Variants in LPA observed in about 807,000 individuals in gnomAD.
LPA encodes the protein lipoprotein(a).
Under a neutral mutation model 197.9 loss-of-function variants are expected in LPA, and 199 were observed. That is an observed-to-expected ratio of 1.01 (90% CI 0.90 to 1.13). The LOEUF (loss-of-function observed/expected upper bound fraction) is 1.13. LPA is among the 50% of genes most tolerant of loss of function. The probability of loss-of-function intolerance (pLI) is 0.00; values close to 1 mark genes in which losing one functional copy is unlikely to be tolerated. For missense variants in LPA, 1,853 were observed against 1,785.8 expected (o/e 1.04, Z -0.68); for synonymous variants, 715 against 639.5 (o/e 1.12, Z -1.78).
At chr6:160,564,708 C>G (rs1054062970) in intron 28 of LPA, among the ~76,000 whole-genome samples, 1 of 152,186 alleles carries the variant, frequency 6.6e-6, no homozygotes, top group South Asian at 2.1e-4. Context: ...TATTGCCTCA[C>G]CCGGGAAGTG....
rs761596691 is a variant in LPA, at chr6:160,594,021, C to A, written c.3566G>T (p.Cys1189Phe). 6.2e-7 allele frequency: 1 copy of A among 1,613,996 alleles called. No homozygotes were observed. The highest frequency in any genetic ancestry group is 8.5e-7 in the Non-Finnish European group (1 of 1,179,890). ...SFSTTVTGRT[C>F]QSWSSMTPHW... is the part of the protein sequence containing the mutation. ...TGGTGTCATAGAGGACCAAGACTGA[C>A]ATGTCCTTCCTGTGACAGTGGTAGA... is the stretch of plus-strand genomic sequence containing the variant. The change falls in exon 22 of 39, where the codon TGT (cysteine) becomes TTT (phenylalanine). Residue 1189 changes from cysteine (C) to phenylalanine (F), a missense_variant. Cys to Phe is a radical substitution (Grantham distance 205, BLOSUM62 -2). Coordinates refer to ENST00000316300, the MANE Select transcript of LPA (RefSeq NM_005577.4).
chr6:160,547,407 GA>G (rs1326028761), intron 32 of LPA, among the ~76,000 whole-genome samples: 4 of 152,184 alleles, frequency 2.6e-5, no homozygotes, highest in Non-Finnish European at 5.9e-5. Context: ...GGAAGCAGCA[GA>G]AAATACAGAT....
intron 32 of LPA, among the ~76,000 whole-genome samples, chr6:160,546,268 G>C (rs1778069933): frequency 6.6e-6 from 1 of 152,098 alleles, no homozygotes; most frequent in Admixed American, 6.6e-5. Context: ...GTAATCAACT[G>C]TGCCTCTGTA....
In LPA at chr6:160,585,219, A is replaced by G. The variant is rs1209744685; in HGVS notation, c.4130-14T>C. 6.2e-7 allele frequency: 1 copy of G among 1,613,724 alleles called. No homozygotes were observed. Among genetic ancestry groups the G allele is most frequent in the Non-Finnish European group, 8.5e-7 (1 of 1,179,668 alleles). ...TTTCAGTTGGTGCTGAAATTAAAAG[A>G]GAAAATCAAGCTCAGTATTGCCTAG... On this transcript the variant is annotated splice_polypyrimidine_tract_variant and intron_variant, in intron 25 of 38. Coordinates refer to ENST00000316300, the MANE Select transcript of LPA (RefSeq NM_005577.4).
chr6:160,594,483 C>T (rs1779092340), intron 21 of LPA, among the ~76,000 whole-genome samples: 1 of 152,196 alleles, frequency 6.6e-6, no homozygotes, highest in African/African-American at 2.4e-5. Context: ...TGGTGATTGA[C>T]TGTCAGTGGG....
chr6:160,537,094 A>G (rs1583564007), intron 37 of LPA, among the ~76,000 whole-genome samples: 2 of 152,208 alleles, frequency 1.3e-5, no homozygotes, highest in Non-Finnish European at 2.9e-5. Flanking sequence ...CCTCTGAGAA[A>G]GTAGAGCTGA....
chr6:160,608,407 C>T (rs951196705), intron 16 of LPA, among the ~76,000 whole-genome samples: 1 of 152,138 alleles, frequency 6.6e-6, no homozygotes, highest in African/African-American at 2.4e-5. Context: ...ACATTAATAA[C>T]ATTCCCGGTA....
At chr6:160,647,218 A>G (rs1415324865) in intron 2 of LPA, among the ~76,000 whole-genome samples, 5 of 152,200 alleles carry the variant, frequency 3.3e-5, no homozygotes, top group African/African-American at 1.2e-4. Flanking sequence ...GATGGCAGGA[A>G]GACTAAGAGA....
At chr6:160,604,183 C>G (rs1313198606) in intron 18 of LPA, among the ~76,000 whole-genome samples, 1 of 152,166 alleles carries the variant, frequency 6.6e-6, no homozygotes, top group Non-Finnish European at 1.5e-5. Flanking sequence ...CTAGCTACCA[C>G]AGTAGTCCCA....
intron 24 of LPA, among the ~76,000 whole-genome samples, chr6:160,587,268 T>C (rs41272092): frequency 8.5e-5 from 13 of 152,214 alleles, no homozygotes; most frequent in Admixed American, 2.0e-4. Flanking sequence ...GCCAATCATA[T>C]AGACTTTTCA....
chr6:160,605,131 T>C lies in LPA; in HGVS notation c.2860A>G (p.Ile954Val), dbSNP rs747637742. 4 of 1,613,888 alleles carry C rather than the reference T, an allele frequency of 2.5e-6. No individual in the cohort carries two copies. In the East Asian group the frequency reaches 6.7e-5, roughly 27 times the overall value. Reference sequence around the variant, plus strand: ...TGGCAGGTTCTTCCTGTGACAGTAATGAAGTATGTGCCTTGATAACTCTGT... The same window carrying C: ...TGGCAGGTTCTTCCTGTGACAGTAACGAAGTATGTGCCTTGATAACTCTGT... ...NGQSYQGTYF[I>V]TVTGRTCQAW... The change falls in exon 18 of 39, where the codon ATT (isoleucine) becomes GTT (valine). Residue 954 changes from isoleucine to valine, a missense_variant. Coordinates refer to ENST00000316300, the MANE Select transcript of LPA (RefSeq NM_005577.4).
chr6:160,569,036 T>C (rs1778514751), intron 28 of LPA, among the ~76,000 whole-genome samples: 1 of 152,158 alleles, frequency 6.6e-6, no homozygotes, highest in South Asian at 2.1e-4. Flanking sequence ...AGAATCAATA[T>C]TGTGAAAATG....
At chr6:160,607,786 G>A (rs1415811355) in intron 16 of LPA, among the ~76,000 whole-genome samples, 1 of 152,106 alleles carries the variant, frequency 6.6e-6, no homozygotes, top group Non-Finnish European at 1.5e-5. Flanking sequence ...GATGTACTAA[G>A]AGCCCAAACT....
At chr6:160,609,758 T>G (rs1306090813) in intron 16 of LPA, among the ~76,000 whole-genome samples, 2 of 151,986 alleles carry the variant, frequency 1.3e-5, no homozygotes, top group Non-Finnish European at 2.9e-5. Context: ...TTTAGGGATG[T>G]GCATGTGTGT....
intron 2 of LPA, among the ~76,000 whole-genome samples, chr6:160,647,292 G>A (rs555028393): frequency 2.6e-5 from 4 of 152,174 alleles, no homozygotes; most frequent in Non-Finnish European, 5.9e-5. Context: ...AAGCAGCTGA[G>A]GAGTTTGGGC....
Position 160,599,385 on chromosome 6 carries a change from T to C in LPA, c.3287+115A>G, listed in dbSNP as rs41271000. 5,558 of 1,464,550 alleles carry C rather than the reference T, an allele frequency of 3.8e-3. 128 individuals are homozygous for C. The African/African-American group carries it at 0.059, about 16-fold the overall frequency. The allele number at this position is 1,464,550 out of a possible 1,614,324, so 90.7% of individuals were successfully genotyped here. A position where few individuals can be genotyped will look rare whatever the true frequency, so the allele number is the denominator to read the frequency against. Reference sequence around the variant, plus strand: ...TCTAAGAACTTTTGCTCACAGGAAATGTTCCTCTGCATCTGAGCCAAGTTG... The same window carrying C: ...TCTAAGAACTTTTGCTCACAGGAAACGTTCCTCTGCATCTGAGCCAAGTTG... On this transcript the variant is annotated intron_variant, in intron 20 of 38. Transcript: ENST00000316300.
chr6:160,593,987 A>T lies in LPA; in HGVS notation c.3600T>A (p.His1200Gln), dbSNP rs1393392227. The T allele has an allele frequency of 1.9e-6, 3 of 1,613,848 alleles. No individual in the cohort carries two copies. The highest frequency in any genetic ancestry group is 2.5e-6 in the Non-Finnish European group (3 of 1,179,860). The change falls in exon 22 of 39, where the codon CAT becomes CAA. Residue 1200 changes from histidine (H) to glutamine (Q), a missense_variant. By Grantham distance (24) the His-to-Gln change is conservative. Transcript: ENST00000316300. ...QSWSSMTPHW[H>Q]QRTTEYYPNG... ...TTGGATAATATTCTGTTGTCCTCTG[A>T]TGCCAGTGTGGTGTCATAGAGGACC...
At chr6:160,569,913 T>C (rs1778532697) in intron 28 of LPA, among the ~76,000 whole-genome samples, 2 of 151,958 alleles carry the variant, frequency 1.3e-5, no homozygotes, top group Non-Finnish European at 2.9e-5. Flanking sequence ...ATCAGAGAAA[T>C]GCAAATCAAA....
chr6:160,560,597 G>T (rs796467266), intron 28 of LPA, among the ~76,000 whole-genome samples: 5 of 151,858 alleles, frequency 3.3e-5, no homozygotes, highest in African/African-American at 1.2e-4. Context: ...CCTGTCAGAA[G>T]TGTCTGTTCA....
Sources: allele counts gnomAD v4.1 joint callset (sites outside exome capture counted in the v4.1 genomes callset), GRCh38; gene constraint gnomAD v4.1.1; transcripts MANE v1.5; gene names NCBI Gene and HGNC (gene_info 2026-07-23, HGNC 2026-07-21).